A1BG: variants seen among roughly 807,000 people sequenced by gnomAD.
A1BG encodes the protein alpha-1B-glycoprotein.
A1BG carries 44 observed loss-of-function variants against 46.0 expected under a neutral mutation model. The observed-to-expected ratio is 0.96, with a 90% confidence interval of 0.75 to 1.23. The LOEUF (loss-of-function observed/expected upper bound fraction) is 1.23. A1BG is among the 50% of genes most tolerant of loss of function. A1BG has a pLI of 0.00. For missense variants in A1BG, 707 were observed against 688.8 expected (o/e 1.03, Z -0.30); for synonymous variants, 316 against 314.7 (o/e 1.00, Z -0.04).
intron 3 of A1BG, 27 bp downstream of exon 3, chr19:58,352,901 T>G (rs1375487386): frequency 1.3e-6 from 2 of 1,597,586 alleles, no homozygotes; most frequent in Admixed American, 1.7e-5. Context: ...CACTGCCTCC[T>G]GGCCCCCAAT....
At chr19:58,353,248 C>G (rs73939631) in intron 2 of A1BG, 44 bp downstream of exon 2, 111 of 1,613,838 alleles carry the variant, frequency 6.9e-5, no homozygotes, top group East Asian at 1.1e-4. Context: ...AGGGCTCCCC[C>G]CCGGCCTGGG....
intron 4 of A1BG, 168 bp downstream of exon 4, chr19:58,352,115 A>G (rs772585416): frequency 6.8e-7 from 1 of 1,463,400 alleles, no homozygotes; most frequent in Non-Finnish European, 9.0e-7. Flanking sequence ...TTCTTTGGGC[A>G]TCCTCTGCCC....
chr19:58,346,921 C>A lies in A1BG; in HGVS notation c.*101G>T. On this transcript the variant is annotated 3_prime_UTR_variant, in exon 8 of 8. Transcript: ENST00000263100. Reference sequence around the variant, plus strand: ...GAATGAGGGAGGCTTCTCCAGCCCCCCAGAGACCCCGGCCTTGTGCTGCAA... The same window carrying A: ...GAATGAGGGAGGCTTCTCCAGCCCCACAGAGACCCCGGCCTTGTGCTGCAA... 1.5e-6 allele frequency: 2 copies of A among 1,297,398 alleles called. No individual in the cohort carries two copies. Among genetic ancestry groups the A allele is most frequent in the South Asian group, 1.2e-5 (1 of 84,686 alleles). The allele number at this position is 1,297,398 out of a possible 1,614,324, so 80.4% of individuals were successfully genotyped here. A position where few individuals can be genotyped will look rare whatever the true frequency, so the allele number is the denominator to read the frequency against.
chr19:58,347,017 C>A lies in A1BG; in HGVS notation c.*5G>T. 1 of 1,614,146 alleles carries A rather than the reference C, an allele frequency of 6.2e-7. No homozygotes were observed. Among genetic ancestry groups the A allele is most frequent in the Non-Finnish European group, 8.5e-7 (1 of 1,180,012 alleles). The stretch of plus-strand genomic sequence containing the variant: ...CACCAACAGCACCCTGGGCCCGCGG[C>A]TGCATCAGCTTTCTAGACAACGGGA... On this transcript the variant is annotated 3_prime_UTR_variant, in exon 8 of 8. Coordinates refer to ENST00000263100, the MANE Select transcript of A1BG (RefSeq NM_130786.4).
At chr19:58,352,591 T>G in intron 3 of A1BG, 36 bp from the exon 4 acceptor site, 1 of 1,590,336 alleles carries the variant, frequency 6.3e-7, no homozygotes, top group Non-Finnish European at 8.5e-7. Flanking sequence ...TGCTTCTGCA[T>G]AACAGGAGAC....
At position 58,350,407 on chromosome 19, in the gene A1BG, G is replaced by A. The variant is rs764785475; in HGVS notation, c.1155C>T (p.Gly385=). ...GCTCCAAGCGCTCGCTGGGCGCGGA[G>A]CCCCCGAAAGGCGGCTTCAGGTCCA... ...VYVDLKPPFG[G]SAPSERLELH... is the part of the protein sequence containing the mutation. Residue 385 remains glycine, a synonymous_variant, in exon 6 of 8, where the codon GGC becomes GGT. Transcript: ENST00000263100. 4.5e-6 allele frequency: 7 copies of A among 1,549,622 alleles called. No individual in the cohort carries two copies. The African/African-American group carries it at 6.8e-5, about 15-fold the overall frequency.
chr19:58,347,061 G>A (rs1326348845), intron 7 of A1BG, 32 bp from the exon 8 acceptor site: 2 of 1,613,792 alleles, frequency 1.2e-6, no homozygotes, highest in Non-Finnish European at 1.7e-6. Context: ...AAATGGTGGA[G>A]GAGGGGAAAT....
In A1BG at chr19:58,347,409, C is replaced by T; in HGVS notation, c.1424G>A (p.Trp475Ter). The T allele has an allele frequency of 6.2e-7, 1 of 1,611,792 alleles. No homozygotes were observed. The highest frequency in any genetic ancestry group is 8.5e-7 in the Non-Finnish European group (1 of 1,179,530). Residue 475 changes from tryptophan (W) to a stop codon, truncating the protein, a stop_gained, in exon 7 of 8, where the codon TGG becomes TAG. Transcript: ENST00000263100. LOFTEE classifies it high-confidence loss of function. The stretch of plus-strand genomic sequence containing the variant: ...CTCCGATTCGAAGGTGTGGGGCACC[C>T]AGGAGCGGTAGCGGCACCTGTAGTT... ...AGNYRCRYRS[W>*]VPHTFESELS...
At chr19:58,349,934 A>C in intron 6 of A1BG, 1 of 161,432 alleles carries the variant, frequency 6.2e-6, no homozygotes, top group Non-Finnish European at 1.3e-5. Context: ...TGAGTCCTGG[A>C]GACGTCGATG....
At chr19:58,352,063 GGA>G in intron 4 of A1BG, 1 of 1,419,252 alleles carries the variant, frequency 7.0e-7, no homozygotes, top group South Asian at 1.5e-5. Context: ...CAAAGTGCTG[GGA>G]TTATAGGCGT....
chr19:58,352,259 C>T (rs781427099), intron 4 of A1BG, 24 bp downstream of exon 4: 3 of 1,610,202 alleles, frequency 1.9e-6, no homozygotes, highest in African/African-American at 2.7e-5. Flanking sequence ...CCCAGCAGCC[C>T]CCAGAGATGG....
At position 58,351,360 on chromosome 19, in the gene A1BG, C is replaced by T. The variant is rs773932487; in HGVS notation, c.910+31G>A. Reference sequence around the variant, plus strand: ...TGCTCCTGCTCCCCAGGGACCCAGCCGCGTCCCTGTCCCTGCTGGCCCCGG... The same window carrying T: ...TGCTCCTGCTCCCCAGGGACCCAGCTGCGTCCCTGTCCCTGCTGGCCCCGG... On this transcript the variant is annotated intron_variant, in intron 5 of 7. Coordinates refer to ENST00000263100, the MANE Select transcript of A1BG (RefSeq NM_130786.4). The T allele has an allele frequency of 6.3e-6, 10 of 1,599,358 alleles. No homozygotes were observed. In the South Asian group the frequency reaches 7.7e-5, roughly 12 times the overall value.
Position 58,346,691 on chromosome 19 carries a change from C to A in A1BG, c.*331G>T, listed in dbSNP as rs908406490. The stretch of plus-strand genomic sequence containing the variant: ...GCCGGACTGCAACACTGCACTCCAG[C>A]CTGGGTGACAGTGTGAGACCCTGTC... On this transcript the variant is annotated 3_prime_UTR_variant, in exon 8 of 8. Coordinates refer to ENST00000263100, the MANE Select transcript of A1BG (RefSeq NM_130786.4). The A allele has an allele frequency of 3.0e-5, 12 of 394,170 alleles. No homozygotes were observed. The highest frequency in any genetic ancestry group is 2.5e-4 in the African/African-American group (12 of 47,574). 24.4% of individuals were successfully genotyped at this position (394,170 alleles called of 1,614,324 possible).
rs1600502860 is a variant in A1BG, at chr19:58,347,972, G to C, written c.1193-332C>G. ...GGGAAGAAGAAATGATGGAGAAAAC[G>C]GTGCTCCTTCATGGAGGGACCAAAA... On this transcript the variant is annotated intron_variant, in intron 6 of 7. Transcript: ENST00000263100. The C allele has an allele frequency of 1.8e-5, 4 of 222,526 alleles. No homozygotes were observed. The East Asian group carries it at 2.6e-4, about 14-fold the overall frequency. The allele number at this position is 222,526 out of a possible 1,614,324, so 13.8% of individuals were successfully genotyped here.
chr19:58,353,289 C>CAA lies in A1BG; in HGVS notation c.70+2_70+3insTT, dbSNP rs1491519021. 1 of 1,613,748 alleles carries CAA rather than the reference C, an allele frequency of 6.2e-7. No individual in the cohort carries two copies. The highest frequency in any genetic ancestry group is 8.5e-7 in the Non-Finnish European group (1 of 1,179,914). ...CATTCCCAGACCTCACCCCTGCACT[C>CAA]ACATATGGCTGCTTCTGTCACTGGG... On this transcript the variant is annotated splice_region_variant and intron_variant, in intron 2 of 7. Coordinates refer to ENST00000263100, the MANE Select transcript of A1BG (RefSeq NM_130786.4).
chr19:58,346,582 TGGCGATGCATGCC>T lies in A1BG; in HGVS notation c.*427_*439del, dbSNP rs2051915067. 3.9e-6 allele frequency: 1 copy of T among 258,422 alleles called. No homozygotes were observed. The highest frequency in any genetic ancestry group is 2.3e-5 in the African/African-American group (1 of 42,820). The allele number at this position is 258,422 out of a possible 1,614,324, so 16.0% of individuals were successfully genotyped here. A position where few individuals can be genotyped will look rare whatever the true frequency, so the allele number is the denominator to read the frequency against. On this transcript the variant is annotated 3_prime_UTR_variant, in exon 8 of 8. Coordinates refer to ENST00000263100, the MANE Select transcript of A1BG (RefSeq NM_130786.4). ...ACAAAAAATAATAATTAGCCAGACG[TGGCGATGCATGCC>T]CAGGCTCCCAGCTACTTGGGAGGCT...
chr19:58,351,508 G>A lies in A1BG; in HGVS notation c.793C>T (p.His265Tyr), dbSNP rs527508602. The A allele has an allele frequency of 5.2e-5, 84 of 1,613,910 alleles. No individual in the cohort carries two copies. The South Asian group carries it at 7.7e-4, about 15-fold the overall frequency. The change falls in exon 5 of 8, where the codon CAC becomes TAC. Residue 265 changes from histidine (H) to tyrosine (Y), a missense_variant. Transcript: ENST00000263100. Reference protein sequence around the residue: ...SSTSPDRIFFHLNAVALGDGG... With the variant: ...SSTSPDRIFFYLNAVALGDGG... ...TCCCCCAGGGCCACCGCGTTCAGGT[G>A]AAAGAAGATGCGATCTGGGCTGGTG...
chr19:58,352,776 G>A lies in A1BG; in HGVS notation c.340+152C>T, dbSNP rs1233950331. 15 of 1,257,610 alleles carry A rather than the reference G, an allele frequency of 1.2e-5. No individual in the cohort carries two copies. In the East Asian group the frequency reaches 3.3e-4, roughly 27 times the overall value. The allele number at this position is 1,257,610 out of a possible 1,614,324, so 77.9% of individuals were successfully genotyped here. A position where few individuals can be genotyped will look rare whatever the true frequency, so the allele number is the denominator to read the frequency against. On this transcript the variant is annotated intron_variant, in intron 3 of 7. Transcript: ENST00000263100. ...CCGGGCCTGCTGGGGACACAACCAT[G>A]TATTCCTTACAACACAGACATCATC...
chr19:58,345,432 G>A lies in A1BG; in HGVS notation c.*1590C>T, dbSNP rs12461107. Reference sequence around the variant, plus strand: ...TAATCCCAGCACTTTGGGAGGCTGAGGCGGGTGGATCACTTGAGCTCAGGA... The same window carrying A: ...TAATCCCAGCACTTTGGGAGGCTGAAGCGGGTGGATCACTTGAGCTCAGGA... On this transcript the variant is annotated 3_prime_UTR_variant, in exon 8 of 8. Coordinates refer to ENST00000263100, the MANE Select transcript of A1BG (RefSeq NM_130786.4). 14 of 152,334 alleles carry A rather than the reference G, an allele frequency of 9.2e-5. No individual in the cohort carries two copies. Among genetic ancestry groups the A allele is most frequent in the African/African-American group, 3.1e-4 (13 of 41,578 alleles). 9.4% of individuals were successfully genotyped at this position (152,334 alleles called of 1,614,324 possible). A position where few individuals can be genotyped will look rare whatever the true frequency, so the allele number is the denominator to read the frequency against.
Sources: gnomAD v4.1 joint callset for allele counts on GRCh38, gnomAD v4.1.1 for gene constraint, MANE v1.5 for transcripts, NCBI Gene and HGNC (gene_info 2026-07-23, HGNC 2026-07-21) for gene names.